Variants in ADAMTS17 observed in about 807,000 individuals in gnomAD.
ADAMTS17 encodes the protein ADAM metallopeptidase with thrombospondin type 1 motif 17, also known as A disintegrin and metalloproteinase with thrombospondin motifs 17.
Under a neutral mutation model 141.5 loss-of-function variants are expected in ADAMTS17, and 113 were observed. The ratio of observed to expected loss-of-function variants is 0.80; its 90% confidence interval spans 0.69 to 0.93. The LOEUF (loss-of-function observed/expected upper bound fraction) is 0.93, where lower values mean the gene tolerates loss of function less well. Among genes scored for constraint, ADAMTS17 ranks in the 40% least tolerant of loss-of-function variants. The pLI is 0.00. For missense variants in ADAMTS17, 1,659 were observed against 1,517.9 expected (o/e 1.09, Z -1.54); for synonymous variants, 768 against 630.6 (o/e 1.22, Z -3.27).
At chr15:100,105,897 C>G (rs1475581284) in intron 14 of ADAMTS17, among the ~76,000 whole-genome samples, 1 of 152,142 alleles carries the variant, frequency 6.6e-6, no homozygotes, top group Non-Finnish European at 1.5e-5. Context: ...ACCATGTTAG[C>G]TGGGCTGGTC....
chr15:100,117,106 A>G (rs1035775250), intron 12 of ADAMTS17, 93 bp from the exon 13 acceptor site: 2 of 1,462,006 alleles, frequency 1.4e-6, no homozygotes, highest in African/African-American at 2.8e-5. Flanking sequence ...GAGGAGAGGA[A>G]GGGGGCAGGG....
intron 15 of ADAMTS17, among the ~76,000 whole-genome samples, chr15:100,076,633 C>T (rs2141776832): frequency 6.6e-6 from 1 of 152,188 alleles, no homozygotes; most frequent in East Asian, 1.9e-4. Flanking sequence ...ACAGGACTTT[C>T]CTTGGTTTAC....
At chr15:100,037,008 T>C (rs1202454619) in intron 18 of ADAMTS17, among the ~76,000 whole-genome samples, 2 of 152,258 alleles carry the variant, frequency 1.3e-5, no homozygotes, top group African/African-American at 4.8e-5. Context: ...GCCATTATAA[T>C]ACTATGAACA....
At position 100,265,386 on chromosome 15, in the gene ADAMTS17, T is replaced by G. The variant is rs529032588; in HGVS notation, c.790-2951A>C. On this transcript the variant is annotated intron_variant, in intron 4 of 21. Coordinates refer to ENST00000268070, the MANE Select transcript of ADAMTS17 (RefSeq NM_139057.4). ...GCTATATGTTTAGGGAGACACCTGG[T>G]TGGGGAGGGAACAGCGCAGCCAAGC... Among the ~76,000 whole-genome samples, 3 of 152,236 alleles carry G rather than the reference T, an allele frequency of 2.0e-5. No homozygotes were observed. The East Asian group carries it at 5.8e-4, about 29-fold the overall frequency.
intron 18 of ADAMTS17, among the ~76,000 whole-genome samples, chr15:100,030,320 T>C (rs961141923): frequency 6.6e-6 from 1 of 152,200 alleles, no homozygotes; most frequent in African/African-American, 2.4e-5. Context: ...TCGTAAGGAA[T>C]TCCTTTTGGA....
chr15:100,024,178 G>A (rs543032123), intron 18 of ADAMTS17, among the ~76,000 whole-genome samples: 5 of 152,140 alleles, frequency 3.3e-5, no homozygotes, highest in South Asian at 2.1e-4. Flanking sequence ...GTACAGCCTC[G>A]AACTCCTGGG....
intron 7 of ADAMTS17, among the ~76,000 whole-genome samples, chr15:100,205,997 C>T (rs1394877533): frequency 1.3e-5 from 2 of 152,194 alleles, no homozygotes; most frequent in African/African-American, 2.4e-5. Context: ...ATCCCTGCTC[C>T]TCCCTCTGGG....
chr15:100,254,737 T>C (rs956223160), intron 6 of ADAMTS17, among the ~76,000 whole-genome samples: 5 of 151,864 alleles, frequency 3.3e-5, no homozygotes, highest in African/African-American at 9.7e-5. Flanking sequence ...AGAAAACTAA[T>C]GCAGAAACAG....
In ADAMTS17 at chr15:100,063,691, G is replaced by C. The variant is rs557126908; in HGVS notation, c.2138-9637C>G. 7 of 1,289,932 alleles carry C rather than the reference G, an allele frequency of 5.4e-6. No homozygotes were observed. In the African/African-American group the frequency reaches 1.1e-4, roughly 20 times the overall value. 79.9% of individuals were successfully genotyped at this position (1,289,932 alleles called of 1,614,324 possible). On this transcript the variant is annotated intron_variant, in intron 15 of 21. Transcript: ENST00000268070. ...ATTTGTGTTTTACCCAGAAAGCTGTGGGCAGGTTTATCCTCCACCACACGG... is the reference window on the plus strand; with the variant it reads ...ATTTGTGTTTTACCCAGAAAGCTGTCGGCAGGTTTATCCTCCACCACACGG...
At chr15:100,157,888 C>CTTTTTT (rs1215411149) in intron 8 of ADAMTS17, among the ~76,000 whole-genome samples, 5 of 141,434 alleles carry the variant, frequency 3.5e-5, no homozygotes, top group Admixed American at 7.1e-5. Context: ...TAGCTATATT[C>CTTTTTT]TTTTTTTTTT....
At chr15:100,200,739 C>T (rs1406680872) in intron 7 of ADAMTS17, among the ~76,000 whole-genome samples, 1 of 152,180 alleles carries the variant, frequency 6.6e-6, no homozygotes, top group African/African-American at 2.4e-5. Context: ...GGACTCTGCC[C>T]GTCAACTCCA....
intron 3 of ADAMTS17, among the ~76,000 whole-genome samples, chr15:100,291,527 A>T (rs1158193058): frequency 6.6e-6 from 1 of 152,238 alleles, no homozygotes; most frequent in Non-Finnish European, 1.5e-5. Context: ...TTCTAACAGG[A>T]TGACCCATGC....
At position 99,997,364 on chromosome 15, in the gene ADAMTS17, G is replaced by A; in HGVS notation, c.2796+21C>T. 1 of 1,613,430 alleles carries A rather than the reference G, an allele frequency of 6.2e-7. No homozygotes were observed. Among genetic ancestry groups the A allele is most frequent in the Admixed American group, 1.7e-5 (1 of 60,018 alleles). On this transcript the variant is annotated intron_variant, in intron 19 of 21. Coordinates refer to ENST00000268070, the MANE Select transcript of ADAMTS17 (RefSeq NM_139057.4). The surrounding 1 kb of genome is among the most constrained non-coding windows in gnomAD (Gnocchi z 4.7). The stretch of plus-strand genomic sequence containing the variant: ...TTGGAGTCCCTGTGGCTGAGTCCTG[G>A]TGGCAAGCCCAGGCACCCACCTGTG...
chr15:100,166,065 T>C (rs922809312), intron 8 of ADAMTS17, among the ~76,000 whole-genome samples: 5 of 152,246 alleles, frequency 3.3e-5, no homozygotes, highest in African/African-American at 7.2e-5. Context: ...TCTTAGGACA[T>C]AGGGCACCTC....
intron 3 of ADAMTS17, among the ~76,000 whole-genome samples, chr15:100,288,558 G>C (rs2044524609): frequency 6.6e-6 from 1 of 152,140 alleles, no homozygotes; most frequent in Non-Finnish European, 1.5e-5. Context: ...AAGCAACAGA[G>C]TATACATTCT....
chr15:100,288,020 T>C (rs896496495), intron 3 of ADAMTS17, among the ~76,000 whole-genome samples: 4 of 152,204 alleles, frequency 2.6e-5, no homozygotes, highest in African/African-American at 7.2e-5. Flanking sequence ...ATATTAGCTT[T>C]GAATATAAAC....
intron 18 of ADAMTS17, among the ~76,000 whole-genome samples, chr15:100,041,784 T>A (rs1480955): frequency 0.75 from 113,922 of 152,074 alleles, 43,001 homozygotes; most frequent in Non-Finnish European, 0.77. Context: ...TAGAATAAAG[T>A]GGTGCTAATG....
rs149882285 is a variant in ADAMTS17, at chr15:100,207,959, C to T, written c.1076-8536G>A. On this transcript the variant is annotated intron_variant, in intron 7 of 21. Transcript: ENST00000268070. ...CAAACACAGCCTTGGAGGGAGGAGTCAGTTTTAAAAGACTCTTATAAAAGT... is the reference window on the plus strand; with the variant it reads ...CAAACACAGCCTTGGAGGGAGGAGTTAGTTTTAAAAGACTCTTATAAAAGT... Among the ~76,000 whole-genome samples the T allele has an allele frequency of 2.7e-3, 415 of 152,286 alleles. 4 individuals are homozygous for T. The highest frequency in any genetic ancestry group is 9.6e-3 in the African/African-American group (398 of 41,556).
At chr15:100,214,977 C>T (rs1285087567) in intron 7 of ADAMTS17, among the ~76,000 whole-genome samples, 1 of 152,320 alleles carries the variant, frequency 6.6e-6, no homozygotes, top group East Asian at 1.9e-4. Context: ...GCTCTATTGT[C>T]CCATAGATCT....
Sources: gnomAD v4.1 joint callset for allele counts (sites outside exome capture counted in the v4.1 genomes callset) on GRCh38, gnomAD v4.1.1 for gene constraint, Gnocchi (gnomAD v3.1) non-coding constraint, MANE v1.5 for transcripts, NCBI Gene and HGNC (gene_info 2026-07-23, HGNC 2026-07-21) for gene names.